Variants in TRANK1 observed in about 807,000 individuals in gnomAD.
The protein encoded by TRANK1 is TPR and ankyrin repeat-containing protein 1.
In TRANK1, 198 loss-of-function variants were observed where a neutral mutation model predicts 266.0. The ratio of observed to expected loss-of-function variants is 0.74; its 90% confidence interval spans 0.66 to 0.84. The LOEUF (loss-of-function observed/expected upper bound fraction) is 0.84. Ranked by LOEUF, TRANK1 falls within the 40% of genes least tolerant of loss-of-function variation. TRANK1 has a pLI of 0.00. For missense variants in TRANK1, 3,326 were observed against 3,634.6 expected, an observed-to-expected ratio of 0.92 and a Z score of 2.18; for synonymous variants, 1,396 against 1,384.1, an observed-to-expected ratio of 1.01 and a Z score of -0.19.
rs115030517 is a variant in TRANK1 at position 36,839,504 on chromosome 3, C to G, written c.5281-788G>C. ...TCCCCTTCATGCTATCTGTGTGGGT[C>G]TCCTTTCATTCCCGTGACCTGTGCC... On this transcript the variant is annotated intron_variant, in intron 18 of 23. Transcript: ENST00000645898. 2.1e-3 allele frequency among the ~76,000 whole-genome samples: 326 copies of G among 152,364 alleles called. 2 individuals are homozygous for G. The highest frequency in any genetic ancestry group is 7.2e-3 in the African/African-American group (298 of 41,592).
At position 36,910,065 on chromosome 3, in the gene TRANK1, C is replaced by T. The variant is rs143110198; in HGVS notation, c.24-1611G>A. Among the ~76,000 whole-genome samples, 1,336 of 152,262 alleles carry T rather than the reference C, an allele frequency of 8.8e-3. 8 individuals are homozygous for T. The highest frequency in any genetic ancestry group is 0.02 in the Middle Eastern group (6 of 294). On this transcript the variant is annotated intron_variant, in intron 1 of 23. Transcript: ENST00000645898. Reference sequence around the variant, plus strand: ...AACTGACAAAGAGTTCATATCCCTCCGTTATAAATAGCTTTCCACTGCAAG... The same window carrying T: ...AACTGACAAAGAGTTCATATCCCTCTGTTATAAATAGCTTTCCACTGCAAG...
chr3:36,908,643 G>C (rs756842918), intron 1 of TRANK1, 189 bp from the exon 2 acceptor site: 64 of 1,224,678 alleles, frequency 5.2e-5, no homozygotes, highest in Non-Finnish European at 6.2e-5. Flanking sequence ...CTATTTCTTT[G>C]TCAGTTCTTT....
upstream of TRANK1, chr3:36,945,091 A>C: frequency 2.4e-6 from 1 of 424,710 alleles, no homozygotes; most frequent in South Asian, 5.0e-5. Context: ...AAAAACTGTC[A>C]CGTGCACGTC....
chr3:36,833,602 C>A lies in TRANK1; in HGVS notation c.5981G>T (p.Gly1994Val), dbSNP rs761705076. Residue 1994 changes from glycine to valine, a missense_variant, in exon 22 of 24, where the codon GGG (glycine) becomes GTG (valine). By Grantham distance (109) the Gly-to-Val change is moderately radical. Coordinates refer to ENST00000645898, the MANE Select transcript of TRANK1 (RefSeq NM_001329998.2). ...CCTGGCCACATTGAGGCGGGCGGCCCCCAGCAGACATGAGGCCTGGAAGTC... is the reference window on the plus strand; with the variant it reads ...CCTGGCCACATTGAGGCGGGCGGCCACCAGCAGACATGAGGCCTGGAAGTC... ...DKDFQASCLLGAARLNVARDS... is the reference protein window; with the variant it reads ...DKDFQASCLLVAARLNVARDS... 1.9e-6 allele frequency: 3 copies of A among 1,613,922 alleles called. No individual in the cohort carries two copies. The highest frequency in any genetic ancestry group is 1.1e-5 in the South Asian group (1 of 91,082).
rs903271029 is a variant in TRANK1, at chr3:36,884,865, G to A, written c.907+4964C>T. Reference sequence around the variant, plus strand: ...GGAGAATCGCTTGAACCCGGGAGGCGGAGGCTGCAGTGAGCTGAGATCGCG... The same window carrying A: ...GGAGAATCGCTTGAACCCGGGAGGCAGAGGCTGCAGTGAGCTGAGATCGCG... On this transcript the variant is annotated intron_variant, in intron 8 of 23. Coordinates refer to ENST00000645898, the MANE Select transcript of TRANK1 (RefSeq NM_001329998.2). Among the ~76,000 whole-genome samples, 8 of 151,608 alleles carry A rather than the reference G, an allele frequency of 5.3e-5. No individual in the cohort carries two copies. The South Asian group carries it at 8.4e-4, about 16-fold the overall frequency.
chr3:36,882,046 G>T (rs2079539916), intron 8 of TRANK1, among the ~76,000 whole-genome samples: 1 of 152,136 alleles, frequency 6.6e-6, no homozygotes, highest in Non-Finnish European at 1.5e-5. Flanking sequence ...ATGCTGATAT[G>T]AATAATCATG....
chr3:36,854,571 C>A (rs935122233), intron 13 of TRANK1, among the ~76,000 whole-genome samples: 4 of 152,196 alleles, frequency 2.6e-5, no homozygotes, highest in Admixed American at 2.6e-4. Context: ...GCATTGGTAC[C>A]CTGTTATTTA....
chr3:36,864,234 AAT>A, intron 10 of TRANK1, 83 bp downstream of exon 10: 1 of 1,342,090 alleles, frequency 7.5e-7, no homozygotes, highest in Non-Finnish European at 9.8e-7. Context: ...TATTTTTTAA[AAT>A]TAATTTCTGA....
chr3:36,943,751 C>T (rs938463604), intron 1 of TRANK1, among the ~76,000 whole-genome samples: 1 of 151,930 alleles, frequency 6.6e-6, no homozygotes, highest in African/African-American at 2.4e-5. Context: ...CGCATACCTA[C>T]GCTGGGAACA....
chr3:36,883,229 C>T lies in TRANK1; in HGVS notation c.907+6600G>A, dbSNP rs141813512. On this transcript the variant is annotated intron_variant, in intron 8 of 23. Transcript: ENST00000645898. ...ACCAAGGCAGGCAGATCACTTGAGC[C>T]CAGGAGTTTGAGACCAACCTGGAAA... 8.6e-5 allele frequency among the ~76,000 whole-genome samples: 13 copies of T among 151,906 alleles called. No homozygotes were observed. In the East Asian group the frequency reaches 1.9e-3, roughly 23 times the overall value.
In TRANK1 at chr3:36,857,301, C is replaced by T. The variant is rs1261949416; in HGVS notation, c.2421G>A (p.Gly807=). The T allele has an allele frequency of 5.0e-6, 8 of 1,609,042 alleles. No homozygotes were observed. The highest frequency in any genetic ancestry group is 6.8e-6 in the Non-Finnish European group (8 of 1,177,588). Residue 807 remains glycine, a synonymous_variant, in exon 13 of 24, where the codon GGG becomes GGA. Coordinates refer to ENST00000645898, the MANE Select transcript of TRANK1 (RefSeq NM_001329998.2). This position sits in a 1 kb window ranked among gnomAD's most constrained non-coding sequence, Gnocchi z 4.3. Reference sequence around the variant, plus strand: ...CATCCTGATCATCATTGCCCTCCTTCCCCCTGTTATCATCAGGCACAAGCT... The same window carrying T: ...CATCCTGATCATCATTGCCCTCCTTTCCCCTGTTATCATCAGGCACAAGCT... ...ALQLVPDDNR[G]KEGNDDQDDW...
chr3:36,903,090 A>T, intron 3 of TRANK1, 59 bp downstream of exon 3: 2 of 1,499,268 alleles, frequency 1.3e-6, no homozygotes, highest in East Asian at 2.5e-5. Flanking sequence ...TCATACCTTC[A>T]TCCACCACCC....
intron 7 of TRANK1, among the ~76,000 whole-genome samples, chr3:36,890,454 A>G (rs534086528): frequency 6.6e-6 from 1 of 152,182 alleles, no homozygotes; most frequent in African/African-American, 2.4e-5. Flanking sequence ...CAAGAGCTAC[A>G]GAATGCACTC....
intron 7 of TRANK1, 65 bp downstream of exon 7, chr3:36,892,137 C>G: frequency 6.7e-7 from 1 of 1,501,758 alleles, no homozygotes; most frequent in Non-Finnish European, 8.9e-7. Context: ...CACTTGAGCT[C>G]AACAGAGTTC....
chr3:36,923,572 C>T lies in TRANK1; in HGVS notation c.24-15118G>A, dbSNP rs147061462. 5.6e-3 allele frequency among the ~76,000 whole-genome samples: 848 copies of T among 152,196 alleles called. 11 individuals carry two copies. The highest frequency in any genetic ancestry group is 0.018 in the African/African-American group (727 of 41,526). ...CGCCTGGCCTTGGTAAATTCTTTTA[C>T]CCCCATGCCACCAGGATAGTCACTG... is the stretch of plus-strand genomic sequence containing the variant. On this transcript the variant is annotated intron_variant, in intron 1 of 23. Coordinates refer to ENST00000645898, the MANE Select transcript of TRANK1 (RefSeq NM_001329998.2).
chr3:36,905,193 C>T (rs2079946228), intron 2 of TRANK1, among the ~76,000 whole-genome samples: 1 of 151,078 alleles, frequency 6.6e-6, no homozygotes, highest in Non-Finnish European at 1.5e-5. Context: ...GAGGCTGAGG[C>T]AGGAGAATGG....
At chr3:36,911,304 G>T (rs981929148) in intron 1 of TRANK1, among the ~76,000 whole-genome samples, 1 of 152,096 alleles carries the variant, frequency 6.6e-6, no homozygotes, top group Non-Finnish European at 1.5e-5. Flanking sequence ...ACGCCTTTGG[G>T]ATTTGACAGA....
In TRANK1 at chr3:36,856,676, G is replaced by A. The variant is rs2079059556; in HGVS notation, c.3046C>T (p.Pro1016Ser). The A allele has an allele frequency of 1.9e-6, 3 of 1,613,902 alleles. No homozygotes were observed. The highest frequency in any genetic ancestry group is 1.3e-5 in the African/African-American group (1 of 74,914). Residue 1016 changes from proline (P) to serine (S), a missense_variant, in exon 13 of 24, where the codon CCA becomes TCA. By Grantham distance (74) the Pro-to-Ser change is moderately conservative. Coordinates refer to ENST00000645898, the MANE Select transcript of TRANK1 (RefSeq NM_001329998.2). ...REHVNPEYFP[P>S]ASAVETEYNI... ...TATTCTGTCTCCACTGCACTGGCTGGGGGAAAGTACTCAGGATTGACATGC... is the reference window on the plus strand; with the variant it reads ...TATTCTGTCTCCACTGCACTGGCTGAGGGAAAGTACTCAGGATTGACATGC...
intron 1 of TRANK1, among the ~76,000 whole-genome samples, chr3:36,916,163 T>A (rs1327371322): frequency 1.3e-5 from 2 of 152,244 alleles, no homozygotes; most frequent in Non-Finnish European, 2.9e-5. Flanking sequence ...AAGAACTGAA[T>A]TTCAAATCTA....
Sources: allele counts gnomAD v4.1 joint callset (sites outside exome capture counted in the v4.1 genomes callset), GRCh38; gene constraint gnomAD v4.1.1; non-coding constraint Gnocchi (gnomAD v3.1); transcripts MANE v1.5; gene names NCBI Gene and HGNC (gene_info 2026-07-23, HGNC 2026-07-21).